Variants in MYO18A observed in about 807,000 individuals in gnomAD.
MYO18A encodes myosin XVIIIA.
A neutral mutation model predicts 235.8 loss-of-function variants in MYO18A; 78 were observed. That is an observed-to-expected ratio of 0.33 (90% CI 0.28 to 0.40). The LOEUF (loss-of-function observed/expected upper bound fraction) is 0.40, where lower values mean the gene tolerates loss of function less well. Ranked by LOEUF, MYO18A falls within the 10% of genes least tolerant of loss-of-function variation. The pLI, the probability that MYO18A is intolerant of heterozygous loss-of-function variation, is 1.00. For missense variants in MYO18A, 2,215 were observed against 2,699.3 expected (o/e 0.82, Z 3.98); for synonymous variants, 977 against 1,077.8 (o/e 0.91, Z 1.83).
intron 2 of MYO18A, among the ~76,000 whole-genome samples, chr17:29,164,295 A>G (rs917202607): frequency 1.8e-4 from 27 of 152,182 alleles, no homozygotes; most frequent in African/African-American, 4.8e-4. Flanking sequence ...TAGGTGCTCA[A>G]TGTGTGCTTC....
chr17:29,154,461 G>A (rs2068025039), intron 2 of MYO18A, among the ~76,000 whole-genome samples: 2 of 152,208 alleles, frequency 1.3e-5, no homozygotes, highest in Non-Finnish European at 2.9e-5. Flanking sequence ...AGGCTGCCAG[G>A]GCAATCGGGG....
At chr17:29,177,903 G>A (rs9906043) in intron 1 of MYO18A, among the ~76,000 whole-genome samples, 68,122 of 151,966 alleles carry the variant, frequency 0.45, 16,264 homozygotes, top group African/African-American at 0.62. Context: ...ATTAAGAACA[G>A]CCCTGCTGCC....
At chr17:29,160,557 T>C (rs1340988194) in intron 2 of MYO18A, among the ~76,000 whole-genome samples, 1 of 152,236 alleles carries the variant, frequency 6.6e-6, no homozygotes, top group Admixed American at 6.5e-5. Context: ...GCCCGGTCCT[T>C]AGGTCAACTT....
Position 29,166,783 on chromosome 17 carries a change from T to A in MYO18A, c.158A>T (p.Lys53Met). The change falls in exon 2 of 42, where the codon AAG (lysine) becomes ATG (methionine). Residue 53 changes from lysine (K) to methionine (M), a missense_variant. Lys to Met is a moderately conservative substitution (Grantham distance 95). Coordinates refer to ENST00000527372, the MANE Select transcript of MYO18A (RefSeq NM_078471.4). Reference sequence around the variant, plus strand: ...TTCCAGGCGCGTCTTGGATTCACGCTTGGAGGAGCGGTTCAGGTTGAAGAA... The same window carrying A: ...TTCCAGGCGCGTCTTGGATTCACGCATGGAGGAGCGGTTCAGGTTGAAGAA... ...RGFFNLNRSS[K>M]RESKTRLEIS... The A allele has an allele frequency of 6.2e-7, 1 of 1,612,096 alleles. No individual in the cohort carries two copies. The highest frequency in any genetic ancestry group is 8.5e-7 in the Non-Finnish European group (1 of 1,179,230).
intron 2 of MYO18A, among the ~76,000 whole-genome samples, chr17:29,160,108 G>A (rs1365281770): frequency 1.3e-5 from 2 of 152,182 alleles, no homozygotes; most frequent in Non-Finnish European, 2.9e-5. Flanking sequence ...CACAGGGAAG[G>A]GAAGGGTACT....
intron 1 of MYO18A, among the ~76,000 whole-genome samples, chr17:29,171,949 C>A: frequency 6.7e-6 from 1 of 150,104 alleles, no homozygotes; most frequent in African/African-American, 2.4e-5. Flanking sequence ...TCAAGGGATA[C>A]AGATGTGTAA....
chr17:29,177,933 C>T (rs1028264939), intron 1 of MYO18A, among the ~76,000 whole-genome samples: 5 of 152,192 alleles, frequency 3.3e-5, no homozygotes, highest in African/African-American at 9.7e-5. Context: ...TGTGACACAG[C>T]AAGTCCAGAT....
In MYO18A at chr17:29,125,237, C is replaced by T. The variant is rs2152873351; in HGVS notation, c.1000-2984G>A. Among the ~76,000 whole-genome samples, 1 of 152,292 alleles carries T rather than the reference C, an allele frequency of 6.6e-6. No individual in the cohort carries two copies. Among genetic ancestry groups the T allele is most frequent in the Non-Finnish European group, 1.5e-5 (1 of 68,028 alleles). ...CCAAGGGCTGTGTTCAGAGCTGTCG[C>T]CCTGCACCTCTCATAGAACACAGCT... On this transcript the variant is annotated intron_variant, in intron 2 of 41. Coordinates refer to ENST00000527372, the MANE Select transcript of MYO18A (RefSeq NM_078471.4). The surrounding 1 kb of genome is among the most constrained non-coding windows in gnomAD (Gnocchi z 5.1).
rs753140998 is a variant in MYO18A, at chr17:29,166,277, C to G, written c.664G>C (p.Glu222Gln). Residue 222 changes from glutamate (E) to glutamine (Q), a missense_variant, in exon 2 of 42, where the codon GAG (glutamate) becomes CAG (glutamine). By Grantham distance (29) the Glu-to-Gln change is conservative (BLOSUM62 2). Transcript: ENST00000527372. ...TCTCCAGTGGGCCGTCGTTGCAGCTCCAGCTCCCGGAGGGTAGGTGGGGGC... is the reference window on the plus strand; with the variant it reads ...TCTCCAGTGGGCCGTCGTTGCAGCTGCAGCTCCCGGAGGGTAGGTGGGGGC... Reference protein sequence around the residue: ...PLPPPTLRELELQRRPTGDFG... With the variant: ...PLPPPTLRELQLQRRPTGDFG... The G allele has an allele frequency of 6.2e-7, 1 of 1,612,762 alleles. No homozygotes were observed.
intron 2 of MYO18A, chr17:29,124,691 A>G: frequency 3.1e-6 from 4 of 1,284,100 alleles, no homozygotes; most frequent in Admixed American, 2.3e-5. Flanking sequence ...GAGTCCAGCT[A>G]CCGACAGCAA....
chr17:29,080,604 A>G (rs1333815286), intron 41 of MYO18A: 2 of 985,616 alleles, frequency 2.0e-6, no homozygotes, highest in African/African-American at 3.5e-5. Flanking sequence ...ACAGCGAGAA[A>G]CTCAGGGAAG....
intron 28 of MYO18A, among the ~76,000 whole-genome samples, chr17:29,095,445 C>T (rs1463201820): frequency 6.6e-6 from 1 of 152,242 alleles, no homozygotes; most frequent in African/African-American, 2.4e-5. Context: ...CTTCCACTAA[C>T]TCACTTTCCA....
intron 2 of MYO18A, among the ~76,000 whole-genome samples, chr17:29,139,355 G>A (rs1218595839): frequency 1.3e-5 from 2 of 152,146 alleles, no homozygotes; most frequent in Non-Finnish European, 2.9e-5. Flanking sequence ...TGGCCCGGGG[G>A]TGGCTGGGGG....
At chr17:29,133,963 G>T in intron 2 of MYO18A, 1 of 733,666 alleles carries the variant, frequency 1.4e-6, no homozygotes, top group Non-Finnish European at 2.0e-6. Flanking sequence ...GGGGAAAGGA[G>T]GGATGGAGTG....
At chr17:29,167,067 T>A in intron 1 of MYO18A, 46 bp from the exon 2 acceptor site, 1 of 1,342,374 alleles carries the variant, frequency 7.4e-7, no homozygotes, top group South Asian at 1.6e-5. Context: ...GAACAGAGCC[T>A]CATGTGTCTC....
chr17:29,093,480 A>G (rs1598288986), intron 31 of MYO18A, 53 bp from the exon 32 acceptor site: 8 of 1,402,502 alleles, frequency 5.7e-6, no homozygotes, highest in Non-Finnish European at 7.9e-6. Flanking sequence ...CCTGGTGCGA[A>G]GCAGGCCCCT....
At chr17:29,099,034 G>T in intron 22 of MYO18A, 65 bp from the exon 23 acceptor site, 3 of 1,594,288 alleles carry the variant, frequency 1.9e-6, no homozygotes, top group Non-Finnish European at 2.6e-6. Flanking sequence ...CTCGGCCCAG[G>T]ATCCTCCCCA....
Position 29,110,638 on chromosome 17 carries a change from G to A in MYO18A, c.2901-16C>T, listed in dbSNP as rs746734928. 2.5e-6 allele frequency: 4 copies of A among 1,594,240 alleles called. No homozygotes were observed. The highest frequency in any genetic ancestry group is 1.1e-5 in the South Asian group (1 of 89,172). ...GATGATTTTTCTGCCAGAGGTGGGA[G>A]GATAAGGGAGGAAAAGCAGTCACAT... On this transcript the variant is annotated splice_polypyrimidine_tract_variant and intron_variant, in intron 17 of 41. Transcript: ENST00000527372.
chr17:29,166,389 G>T lies in MYO18A; in HGVS notation c.552C>A (p.Ile184=), dbSNP rs767194915. 1.9e-6 allele frequency: 3 copies of T among 1,613,722 alleles called. No homozygotes were observed. Among genetic ancestry groups the T allele is most frequent in the Non-Finnish European group, 2.5e-6 (3 of 1,179,896 alleles). ...CTCGGGATCGGTGCCCTGGTCGAGG[G>T]ATGCCTGGGCCAGGATGCTGCACCA... The part of the protein sequence containing the change: ...GQLVQHPGPG[I]PRPGHRSRAP... The change falls in exon 2 of 42, where the codon ATC becomes ATA. Residue 184 remains isoleucine, a synonymous_variant. Coordinates refer to ENST00000527372, the MANE Select transcript of MYO18A (RefSeq NM_078471.4).
Sources: gnomAD v4.1 joint callset for allele counts (sites outside exome capture counted in the v4.1 genomes callset) on GRCh38, gnomAD v4.1.1 for gene constraint, Gnocchi (gnomAD v3.1) non-coding constraint, MANE v1.5 for transcripts, NCBI Gene and HGNC (gene_info 2026-07-23, HGNC 2026-07-21) for gene names.